BPHL: variants seen among roughly 807,000 people sequenced by gnomAD.
BPHL encodes the protein biphenyl hydrolase like, also known as serine hydrolase BPHL.
BPHL carries 27 observed loss-of-function variants against 31.2 expected under a neutral mutation model. That is an observed-to-expected ratio of 0.87 (90% confidence interval 0.64 to 1.19). BPHL has a LOEUF of 1.19. Among genes scored for constraint, BPHL ranks in the 50% most tolerant of loss-of-function variants. The probability of loss-of-function intolerance (pLI) is 0.00; values close to 1 mark genes in which losing one functional copy is unlikely to be tolerated. For missense variants in BPHL, 356 were observed against 375.7 expected (o/e 0.95, Z 0.43); for synonymous variants, 150 against 146.8 (o/e 1.02, Z -0.16).
At chr6:3,129,600 G>A (rs907116445) in intron 4 of BPHL, among the ~76,000 whole-genome samples, 7 of 152,118 alleles carry the variant, frequency 4.6e-5, no homozygotes, top group East Asian at 1.9e-4. Flanking sequence ...CTTGAGCCCA[G>A]GAGGTCGAGG....
chr6:3,129,720 A>T (rs1391496162), intron 4 of BPHL, among the ~76,000 whole-genome samples: 1 of 152,094 alleles, frequency 6.6e-6, no homozygotes, highest in Non-Finnish European at 1.5e-5. Context: ...ATCACTGGAT[A>T]CAAATATGAA....
Position 3,140,365 on chromosome 6 carries a change from C to G in BPHL, c.665-21C>G, listed in dbSNP as rs1561796721. The G allele has an allele frequency of 6.2e-7, 1 of 1,613,890 alleles. No homozygotes were observed. On this transcript the variant is annotated intron_variant, in intron 5 of 6. Transcript: ENST00000380379. The surrounding 1 kb of genome is among the most constrained non-coding windows in gnomAD (Gnocchi z 5.2). ...AGAATGGTTGCACTAAAGCAGATTCCTCGTGCTGTGTATCCGTCAGGTAAC... is the reference window on the plus strand; with the variant it reads ...AGAATGGTTGCACTAAAGCAGATTCGTCGTGCTGTGTATCCGTCAGGTAAC...
intron 1 of BPHL, 32 bp from the exon 2 acceptor site, chr6:3,123,625 C>G: frequency 1.3e-6 from 2 of 1,581,430 alleles, no homozygotes; most frequent in Non-Finnish European, 1.7e-6. Flanking sequence ...TCTCCCCTTT[C>G]CCCCTGTGGG....
chr6:3,118,993 C>T, intron 1 of BPHL, 146 bp downstream of exon 1: 1 of 713,746 alleles, frequency 1.4e-6, no homozygotes, highest in Non-Finnish European at 2.0e-6. Context: ...CTTTGTGCCG[C>T]GAGACCCCGA....
intron 1 of BPHL, chr6:3,119,248 G>A: frequency 6.6e-7 from 1 of 1,512,296 alleles, no homozygotes; most frequent in Admixed American, 2.0e-5. Context: ...CACACTAAGG[G>A]CATAAGGACA....
At chr6:3,130,420 G>C (rs1011315725) in intron 4 of BPHL, among the ~76,000 whole-genome samples, 1 of 152,272 alleles carries the variant, frequency 6.6e-6, no homozygotes, top group Middle Eastern at 3.4e-3. Context: ...AGGAAAGAAG[G>C]GTGCACCAGG....
Position 3,137,347 on chromosome 6 carries a change from A to G in BPHL, c.533-15A>G. On this transcript the variant is annotated splice_polypyrimidine_tract_variant and intron_variant, in intron 4 of 6. Transcript: ENST00000380379. ...TGAAATTAAACCTTTCTTCGCCTAC[A>G]CTTCTGTTTTTCAGGCATCCGAGAT... 2.5e-6 allele frequency: 4 copies of G among 1,609,572 alleles called. No homozygotes were observed. The highest frequency in any genetic ancestry group is 2.5e-6 in the Non-Finnish European group (3 of 1,178,806).
intron 6 of BPHL, among the ~76,000 whole-genome samples, chr6:3,150,557 A>T (rs888908915): frequency 1.3e-5 from 2 of 152,124 alleles, no homozygotes; most frequent in Non-Finnish European, 2.9e-5. Flanking sequence ...TTCGTTTCCA[A>T]CTGAGCCATG....
In BPHL at chr6:3,129,068, T is replaced by C. The variant is rs779205055; in HGVS notation, c.402T>C (p.Ser134=). The part of the protein sequence containing the change: ...LMKALKFKKV[S]LLGWSDGGIT... ...AGGCGCTGAAGTTTAAGAAGGTTTC[T>C]CTGCTGGGGTGGAGTGATGGGGGCA... Residue 134 remains serine (S), a synonymous_variant, in exon 4 of 7, where the codon TCT becomes TCC. Coordinates refer to ENST00000380379, the MANE Select transcript of BPHL (RefSeq NM_004332.4). 2 of 1,614,270 alleles carry C rather than the reference T, an allele frequency of 1.2e-6. No individual in the cohort carries two copies. The highest frequency in any genetic ancestry group is 2.2e-5 in the South Asian group (2 of 91,090).
At chr6:3,123,988 A>T (rs1486703947) in intron 2 of BPHL, 1 of 290,038 alleles carries the variant, frequency 3.4e-6, no homozygotes, top group East Asian at 8.2e-5. Context: ...TATTGCAAGT[A>T]CTCTGTGAAA....
chr6:3,144,275 G>T (rs1484081386), intron 6 of BPHL, among the ~76,000 whole-genome samples: 4 of 152,018 alleles, frequency 2.6e-5, no homozygotes. Context: ...CACGGCGTTA[G>T]CCAGGATGGT....
At chr6:3,150,540 A>T (rs1228350147) in intron 6 of BPHL, among the ~76,000 whole-genome samples, 2 of 152,222 alleles carry the variant, frequency 1.3e-5, no homozygotes, top group Non-Finnish European at 2.9e-5. Context: ...TCATCCTCTG[A>T]GGCCCCTTCG....
intron 6 of BPHL, among the ~76,000 whole-genome samples, chr6:3,146,896 C>A (rs967907361): frequency 6.6e-6 from 1 of 151,108 alleles, no homozygotes. Flanking sequence ...AGTGCTGGTT[C>A]GGGTTGGAGT....
intron 1 of BPHL, among the ~76,000 whole-genome samples, chr6:3,121,029 G>C (rs1288541699): frequency 1.3e-5 from 2 of 152,152 alleles, no homozygotes; most frequent in African/African-American, 4.8e-5. Context: ...ACCTCTCTGA[G>C]CCTCCTGCCT....
intron 2 of BPHL, 43 bp from the exon 3 acceptor site, chr6:3,127,199 A>T (rs17136186): frequency 7.3e-7 from 1 of 1,371,088 alleles, no homozygotes; most frequent in East Asian, 2.4e-5. Context: ...TGTGTTTGAT[A>T]GTGAAAGCGA....
intron 4 of BPHL, among the ~76,000 whole-genome samples, chr6:3,132,986 ATCT>A (rs1391396916): frequency 6.6e-6 from 1 of 152,166 alleles, no homozygotes; most frequent in East Asian, 1.9e-4. Flanking sequence ...TGAATTCATG[ATCT>A]TCTCTCTAGG....
At chr6:3,128,021 G>T (rs1296049544) in intron 3 of BPHL, among the ~76,000 whole-genome samples, 1 of 152,024 alleles carries the variant, frequency 6.6e-6, no homozygotes, top group Non-Finnish European at 1.5e-5. Flanking sequence ...GGGTTTCATC[G>T]CATTAGTCCG....
intron 4 of BPHL, among the ~76,000 whole-genome samples, chr6:3,132,269 G>A (rs758948264): frequency 5.9e-5 from 9 of 152,140 alleles, no homozygotes; most frequent in Non-Finnish European, 8.8e-5. Context: ...TGATGTGTGC[G>A]CCATTGGTTA....
At chr6:3,144,038 TGAG>T (rs1281504973) in intron 6 of BPHL, among the ~76,000 whole-genome samples, 1 of 152,376 alleles carries the variant, frequency 6.6e-6, no homozygotes, top group East Asian at 1.9e-4. Context: ...CTCACCTATC[TGAG>T]GTCATGTGGC....
Sources: gnomAD v4.1 joint callset for allele counts (sites outside exome capture counted in the v4.1 genomes callset) on GRCh38, gnomAD v4.1.1 for gene constraint, Gnocchi (gnomAD v3.1) non-coding constraint, MANE v1.5 for transcripts, NCBI Gene and HGNC (gene_info 2026-07-23, HGNC 2026-07-21) for gene names.